DOC2B: variants seen among roughly 807,000 people sequenced by gnomAD.
DOC2B encodes double C2 domain beta.
DOC2B carries 21 observed loss-of-function variants against 28.9 expected under a neutral mutation model. That is an observed-to-expected ratio of 0.73 (90% CI 0.52 to 1.05). The LOEUF is 1.05. DOC2B is among the 50% of genes least tolerant of loss of function. The pLI, the probability that DOC2B is intolerant of heterozygous loss-of-function variation, is 0.00. For synonymous variants in DOC2B, 194 were observed against 178.1 expected (o/e 1.09, Z -0.71); for missense variants, 384 against 421.1 (o/e 0.91, Z 0.77).
chr17:178,750 C>T (rs1199100070), intron 1 of DOC2B, among the ~76,000 whole-genome samples: 1 of 152,244 alleles, frequency 6.6e-6, no homozygotes. Context: ...TCACTCTCTG[C>T]CTTGGACAAC....
intron 2 of DOC2B, among the ~76,000 whole-genome samples, chr17:169,330 G>A (rs1165557012): frequency 6.6e-6 from 1 of 151,854 alleles, no homozygotes; most frequent in Non-Finnish European, 1.5e-5. Flanking sequence ...GAAGCCAAAT[G>A]GCAGCCTCCC....
chr17:181,587 G>C lies in DOC2B; in HGVS notation c.-108C>G, dbSNP rs1011467961. On this transcript the variant is annotated 5_prime_UTR_variant, in exon 1 of 9. Transcript: ENST00000613549. The surrounding 1 kb of genome is among the most constrained non-coding windows in gnomAD (Gnocchi z 7.0). ...GCGGCGGGGGCTGCGGGCATCGCCGGCCGCGCCCCCGGACGGCCCTGACTT... is the reference window on the plus strand; with the variant it reads ...GCGGCGGGGGCTGCGGGCATCGCCGCCCGCGCCCCCGGACGGCCCTGACTT... 2.1e-6 allele frequency: 1 copy of C among 468,900 alleles called. No individual in the cohort carries two copies. Among genetic ancestry groups the C allele is most frequent in the African/African-American group, 2.1e-5 (1 of 46,976 alleles). 29.0% of individuals were successfully genotyped at this position (468,900 alleles called of 1,614,324 possible). A position where few individuals can be genotyped will look rare whatever the true frequency, so the allele number is the denominator to read the frequency against.
chr17:153,531 C>T (rs768453037), intron 6 of DOC2B, among the ~76,000 whole-genome samples: 1 of 152,018 alleles, frequency 6.6e-6, no homozygotes, highest in Non-Finnish European at 1.5e-5. Flanking sequence ...GGTGAAACCC[C>T]GTCTACTAAA....
chr17:164,032 G>A (rs1465531183), intron 3 of DOC2B, 98 bp downstream of exon 3: 13 of 986,790 alleles, frequency 1.3e-5, no homozygotes, highest in East Asian at 1.1e-4. Flanking sequence ...CTGGGTGCCC[G>A]CAGCCCAGTC....
Position 181,503 on chromosome 17 carries a change from G to A in DOC2B, c.-24C>T. 1.0e-6 allele frequency: 1 copy of A among 1,002,652 alleles called. No individual in the cohort carries two copies. Among genetic ancestry groups the A allele is most frequent in the Non-Finnish European group, 1.2e-6 (1 of 843,404 alleles). 62.1% of individuals were successfully genotyped at this position (1,002,652 alleles called of 1,614,324 possible). On this transcript the variant is annotated 5_prime_UTR_variant, in exon 1 of 9. Transcript: ENST00000613549. This position sits in a 1 kb window ranked among gnomAD's most constrained non-coding sequence, Gnocchi z 7.0. ...ATGCAGGCAGCGCCGCCCCGCCCCG[G>A]GCGCGGCCCGGCCCGGCGCGACCCC...
chr17:149,185 T>C lies in DOC2B; in HGVS notation c.931A>G (p.Arg311Gly). Residue 311 changes from arginine (R) to glycine (G), a missense_variant, in exon 7 of 9, where the codon AGG (arginine) becomes GGG (glycine). Transcript: ENST00000613549. Reference sequence around the variant, plus strand: ...TTGGATTTCTTGTCCACATCTGGCCTCAGGTATCTGGAATTACATCCAACG... The same window carrying C: ...TTGGATTTCTTGTCCACATCTGGCCCCAGGTATCTGGAATTACATCCAACG... The part of the protein sequence containing the change: ...YSDPYVKTYL[R>G]PDVDKKSKHK... The C allele has an allele frequency of 2.5e-6, 1 of 400,142 alleles. No individual in the cohort carries two copies. The highest frequency in any genetic ancestry group is 4.4e-6 in the Non-Finnish European group (1 of 226,468). The allele number at this position is 400,142 out of a possible 1,614,324, so 24.8% of individuals were successfully genotyped here.
chr17:149,169 T>C lies in DOC2B; in HGVS notation c.947A>G (p.Lys316Arg), dbSNP rs2040046439. 5.0e-6 allele frequency: 2 copies of C among 400,080 alleles called. No homozygotes were observed. Among genetic ancestry groups the C allele is most frequent in the East Asian group, 7.1e-5 (2 of 28,094 alleles). The allele number at this position is 400,080 out of a possible 1,614,324, so 24.8% of individuals were successfully genotyped here. A position where few individuals can be genotyped will look rare whatever the true frequency, so the allele number is the denominator to read the frequency against. Residue 316 changes from lysine (K) to arginine (R), a missense_variant, in exon 7 of 9, where the codon AAG becomes AGG. Transcript: ENST00000613549. ...VKTYLRPDVD[K>R]KSKHKTAVKK... is the part of the protein sequence containing the mutation. ...CACCGCTGTCTTATGTTTGGATTTC[T>C]TGTCCACATCTGGCCTCAGGTATCT...
rs1328381534 is a variant in DOC2B at position 171,923 on chromosome 17, G to C, written c.453+614C>G. On this transcript the variant is annotated intron_variant, in intron 2 of 8. Coordinates refer to ENST00000613549, the MANE Select transcript of DOC2B (RefSeq NM_003585.5). Reference sequence around the variant, plus strand: ...AGGGGCCGGGCCAGGCTGCAGAGGGGAGCACCAGGGGCCGGGCCAGGCTGC... The same window carrying C: ...AGGGGCCGGGCCAGGCTGCAGAGGGCAGCACCAGGGGCCGGGCCAGGCTGC... Among the ~76,000 whole-genome samples the C allele has an allele frequency of 1.3e-3, 138 of 102,650 alleles. 1 individual carries two copies. The highest frequency in any genetic ancestry group is 0.011 in the Middle Eastern group (2 of 180). 67.3% of individuals were successfully genotyped at this position (102,650 alleles called of 152,430 possible).
rs2040440397 is a variant in DOC2B, at chr17:181,329, G to A, written c.151C>T (p.Arg51Ter). The A allele has an allele frequency of 1.8e-6, 2 of 1,142,252 alleles. No homozygotes were observed. Among genetic ancestry groups the A allele is most frequent in the Non-Finnish European group, 2.1e-6 (2 of 931,136 alleles). 70.8% of individuals were successfully genotyped at this position (1,142,252 alleles called of 1,614,324 possible). The change falls in exon 1 of 9, where the codon CGA becomes TGA. Residue 51 changes from arginine (R) to a stop codon, truncating the protein, a stop_gained. Transcript: ENST00000613549. LOFTEE classifies it high-confidence loss of function. This position sits in a 1 kb window ranked among gnomAD's most constrained non-coding sequence, Gnocchi z 7.0. ...GGGGCGTCCGGGGGTGCAGCGGCTC[G>A]GGGCCCGGCGTCCGGGGGCAGGCCC... ...PRGLPPDAGP[R>*]AAAPPDAPAR...
chr17:181,589 C>G lies in DOC2B; in HGVS notation c.-110G>C. 6 of 453,598 alleles carry G rather than the reference C, an allele frequency of 1.3e-5. No homozygotes were observed. Among genetic ancestry groups the G allele is most frequent in the Non-Finnish European group, 1.4e-5 (5 of 346,702 alleles). 28.1% of individuals were successfully genotyped at this position (453,598 alleles called of 1,614,324 possible). A position where few individuals can be genotyped will look rare whatever the true frequency, so the allele number is the denominator to read the frequency against. On this transcript the variant is annotated 5_prime_UTR_variant, in exon 1 of 9. Coordinates refer to ENST00000613549, the MANE Select transcript of DOC2B (RefSeq NM_003585.5). This position sits in a 1 kb window ranked among gnomAD's most constrained non-coding sequence, Gnocchi z 7.0. ...GGCGGGGGCTGCGGGCATCGCCGGC[C>G]GCGCCCCCGGACGGCCCTGACTTGG...
At chr17:178,257 A>C (rs2040392298) in intron 1 of DOC2B, among the ~76,000 whole-genome samples, 1 of 152,246 alleles carries the variant, frequency 6.6e-6, no homozygotes. Context: ...CTCTACAAGG[A>C]AAAACGCACA....
At chr17:165,943 T>C (rs1356751835) in intron 2 of DOC2B, among the ~76,000 whole-genome samples, 1 of 152,226 alleles carries the variant, frequency 6.6e-6, no homozygotes. Context: ...ACGTTTCACT[T>C]ACAAACCTTT....
intron 5 of DOC2B, among the ~76,000 whole-genome samples, chr17:160,927 C>G (rs1308984244): frequency 6.6e-6 from 1 of 152,162 alleles, no homozygotes; most frequent in Non-Finnish European, 1.5e-5. Flanking sequence ...TCCTGTCCAC[C>G]CGTGGTCCCT....
At chr17:180,668 G>C (rs554926207) in intron 1 of DOC2B, among the ~76,000 whole-genome samples, 2 of 151,972 alleles carry the variant, frequency 1.3e-5, no homozygotes, top group Non-Finnish European at 1.5e-5. Context: ...CCGACCCTCG[G>C]CCGCGAGGCC....
intron 1 of DOC2B, among the ~76,000 whole-genome samples, chr17:178,607 CT>C (rs2040395985): frequency 6.6e-6 from 1 of 152,236 alleles, no homozygotes; most frequent in South Asian, 2.1e-4. Context: ...CATTCACTGC[CT>C]TTCCTCCCTG....
At chr17:172,642 C>G (rs2040325788) in intron 1 of DOC2B, 26 bp from the exon 2 acceptor site, 6 of 1,534,074 alleles carry the variant, frequency 3.9e-6, no homozygotes, top group Non-Finnish European at 5.3e-6. Flanking sequence ...GGCACAGGTC[C>G]CACCCTGGCC....
rs1250150591 is a variant in DOC2B at position 153,473 on chromosome 17, TG to T, written c.923+2746del. On this transcript the variant is annotated intron_variant, in intron 6 of 8. Transcript: ENST00000613549. ...ATCCCAGCCCTTTGGGAGGCCAGGG[TG>T]GGTGGATCACTTGAGGTCAGGAGTT... Among the ~76,000 whole-genome samples the T allele has an allele frequency of 7.9e-5, 12 of 152,186 alleles. No homozygotes were observed. The South Asian group carries it at 1.5e-3, about 18-fold the overall frequency.
At chr17:156,158 A>C in intron 6 of DOC2B, 62 bp downstream of exon 6, 1 of 1,479,522 alleles carries the variant, frequency 6.8e-7, no homozygotes, top group Non-Finnish European at 9.0e-7. Context: ...CGGAGCCGGC[A>C]CACGGACCCC....
At chr17:149,885 C>T (rs982947313) in intron 6 of DOC2B, among the ~76,000 whole-genome samples, 1 of 152,224 alleles carries the variant, frequency 6.6e-6, no homozygotes, top group African/African-American at 2.4e-5. Flanking sequence ...AAGTGTAAAA[C>T]GCAGTAGCCT....
Sources: gnomAD v4.1 joint callset for allele counts (sites outside exome capture counted in the v4.1 genomes callset) on GRCh38, gnomAD v4.1.1 for gene constraint, Gnocchi (gnomAD v3.1) non-coding constraint, MANE v1.5 for transcripts, NCBI Gene and HGNC (gene_info 2026-07-23, HGNC 2026-07-21) for gene names.